Variants in KDM4C observed in about 807,000 individuals in gnomAD.
KDM4C encodes lysine demethylase 4C, also known as lysine-specific demethylase 4C.
In KDM4C, 81 loss-of-function variants were observed where a neutral mutation model predicts 129.3. That is an observed-to-expected ratio of 0.63 (90% CI 0.52 to 0.75). The LOEUF (loss-of-function observed/expected upper bound fraction) is 0.75. Ranked by LOEUF, KDM4C falls within the 30% of genes least tolerant of loss-of-function variation. The pLI is 0.00. For missense variants in KDM4C, 1,457 were observed against 1,304.0 expected (o/e 1.12, Z -1.81); for synonymous variants, 573 against 456.1 (o/e 1.26, Z -3.26).
intron 15 of KDM4C, among the ~76,000 whole-genome samples, chr9:7,017,899 T>A (rs4742284): frequency 0.037 from 5,709 of 152,298 alleles, 158 homozygotes; most frequent in South Asian, 0.1. Flanking sequence ...TCTGGATGAT[T>A]TTATTGCTGG....
chr9:6,993,811 G>T (rs7848022), intron 12 of KDM4C, among the ~76,000 whole-genome samples: 65,950 of 152,000 alleles, frequency 0.43, 15,167 homozygotes, highest in African/African-American at 0.56. Context: ...GAAGCTCTCA[G>T]GTTTCCTGGA....
chr9:6,784,786 T>C (rs1261148967), intron 1 of KDM4C, among the ~76,000 whole-genome samples: 1 of 152,188 alleles, frequency 6.6e-6, no homozygotes, highest in African/African-American at 2.4e-5. Flanking sequence ...GGAGTTTCTT[T>C]GCTGTGTTGC....
intron 8 of KDM4C, among the ~76,000 whole-genome samples, chr9:6,938,357 T>A (rs1018045062): frequency 2.6e-5 from 4 of 152,194 alleles, no homozygotes; most frequent in East Asian, 1.9e-4. Context: ...TGCAGCTCAG[T>A]TCTAAACTTT....
chr9:6,772,785 C>T (rs1361854437), intron 1 of KDM4C, among the ~76,000 whole-genome samples: 6 of 150,360 alleles, frequency 4.0e-5, no homozygotes, highest in African/African-American at 9.8e-5. Context: ...CTCTGCCCCC[C>T]GGATTCAAGC....
At chr9:6,802,032 G>T (rs913623637) in intron 2 of KDM4C, among the ~76,000 whole-genome samples, 5 of 151,738 alleles carry the variant, frequency 3.3e-5, no homozygotes, top group Non-Finnish European at 7.4e-5. Flanking sequence ...TTGAACCCAG[G>T]AGGTGGAGGT....
chr9:6,738,919 G>T lies in KDM4C; in HGVS notation c.49+17922G>T, dbSNP rs367793174. On this transcript the variant is annotated intron_variant, in intron 1 of 17. Coordinates refer to the KDM4C transcript ENST00000536108. ...ATTTCTATATTTTTTGTAGAGATGG[G>T]GTTTCCCCATGTTTGCCCTGGCTGG... Among the ~76,000 whole-genome samples, 410 of 151,846 alleles carry T rather than the reference G, an allele frequency of 2.7e-3. 1 individual carries two copies. Among genetic ancestry groups the T allele is most frequent in the African/African-American group, 9.5e-3 (393 of 41,444 alleles).
intron 1 of KDM4C, among the ~76,000 whole-genome samples, chr9:6,790,199 T>A (rs12115812): frequency 2.7e-5 from 4 of 150,150 alleles, no homozygotes; most frequent in Non-Finnish European, 4.4e-5. Context: ...CCACCGCGCC[T>A]GGCCAAACTT....
In KDM4C at chr9:7,103,887, C is replaced by G; in HGVS notation, c.2610+17C>G. 1.2e-6 allele frequency: 2 copies of G among 1,610,844 alleles called. No homozygotes were observed. Among genetic ancestry groups the G allele is most frequent in the East Asian group, 2.2e-5 (1 of 44,796 alleles). ...CCCAACGTGGTAAGATGTGCCCTCC[C>G]TTCCTCAGTGCTAAGACCGTGTCTG... On this transcript the variant is annotated intron_variant, in intron 18 of 21. Transcript: ENST00000381309.
chr9:6,940,120 C>T lies in KDM4C; in HGVS notation c.922-40805C>T, dbSNP rs147445417. ...TCTTTCTTTCTTCTTTCAACAGGGTCCCACTCTGTCACCCAGGCTGGAGTG... is the reference window on the plus strand; with the variant it reads ...TCTTTCTTTCTTCTTTCAACAGGGTTCCACTCTGTCACCCAGGCTGGAGTG... On this transcript the variant is annotated intron_variant, in intron 8 of 21. Transcript: ENST00000381309. Among the ~76,000 whole-genome samples, 638 of 151,712 alleles carry T rather than the reference C, an allele frequency of 4.2e-3. 4 individuals carry two copies. Among genetic ancestry groups the T allele is most frequent in the African/African-American group, 0.014 (580 of 41,310 alleles).
chr9:7,046,815 T>C (rs1829467003), intron 15 of KDM4C, 47 bp from the exon 16 acceptor site: 7 of 1,292,228 alleles, frequency 5.4e-6, no homozygotes, highest in Non-Finnish European at 6.7e-6. Flanking sequence ...GTAATGACTT[T>C]TGTTATGTGG....
At chr9:6,834,610 C>T (rs1835522736) in intron 4 of KDM4C, 2 of 755,706 alleles carry the variant, frequency 2.6e-6, no homozygotes, top group African/African-American at 1.7e-5. Context: ...GGAAGGACTC[C>T]CATGTGGGCG....
At chr9:6,884,520 A>G (rs1403409563) in intron 6 of KDM4C, among the ~76,000 whole-genome samples, 1 of 152,204 alleles carries the variant, frequency 6.6e-6, no homozygotes, top group African/African-American at 2.4e-5. Flanking sequence ...TACCAGTCAT[A>G]TAAAACCACG....
At chr9:6,726,493 C>G (rs982803501) in intron 1 of KDM4C, 9 of 152,226 alleles carry the variant, frequency 5.9e-5, no homozygotes, top group Non-Finnish European at 7.3e-5. Flanking sequence ...TCCTCAACCA[C>G]TTTTACCAGG....
chr9:7,045,042 C>T (rs971306379), intron 15 of KDM4C, among the ~76,000 whole-genome samples: 24 of 151,890 alleles, frequency 1.6e-4, no homozygotes, highest in African/African-American at 5.3e-4. Context: ...GGAGGGGAGG[C>T]TAGGAAGAGT....
chr9:6,760,512 G>A (rs1456664922), intron 1 of KDM4C, among the ~76,000 whole-genome samples: 1 of 149,948 alleles, frequency 6.7e-6, no homozygotes, highest in East Asian at 1.9e-4. Context: ...CATGCGTAAG[G>A]AGGGATAGTT....
At chr9:6,865,634 T>G (rs1168410658) in intron 5 of KDM4C, among the ~76,000 whole-genome samples, 1 of 152,198 alleles carries the variant, frequency 6.6e-6, no homozygotes, top group Non-Finnish European at 1.5e-5. Flanking sequence ...TGGCGTGATC[T>G]CAGCTCACTG....
At chr9:6,791,562 G>A (rs532970057) in intron 1 of KDM4C, among the ~76,000 whole-genome samples, 1 of 152,174 alleles carries the variant, frequency 6.6e-6, no homozygotes, top group Non-Finnish European at 1.5e-5. Flanking sequence ...ATTACTGTAG[G>A]AAGGCATGAT....
At chr9:7,059,846 G>T (rs1443844330) in intron 17 of KDM4C, among the ~76,000 whole-genome samples, 3 of 151,878 alleles carry the variant, frequency 2.0e-5, no homozygotes, top group African/African-American at 7.3e-5. Flanking sequence ...TAATGGGTTT[G>T]TTATTTTTAA....
At chr9:7,006,650 C>G (rs886901432) in intron 12 of KDM4C, among the ~76,000 whole-genome samples, 3 of 152,070 alleles carry the variant, frequency 2.0e-5, no homozygotes, top group African/African-American at 7.2e-5. Context: ...TGGTCAGTTT[C>G]TTAATACCCA....
Sources: allele counts gnomAD v4.1 joint callset (sites outside exome capture counted in the v4.1 genomes callset), GRCh38; gene constraint gnomAD v4.1.1; transcripts MANE v1.5; gene names NCBI Gene and HGNC (gene_info 2026-07-23, HGNC 2026-07-21).